Variants in GUCD1 observed in about 807,000 individuals in gnomAD.
The protein encoded by GUCD1 is guanylyl cyclase domain containing 1, also known as protein GUCD1.
A neutral mutation model predicts 28.3 loss-of-function variants in GUCD1; 17 were observed. The observed-to-expected ratio is 0.60, with a 90% confidence interval of 0.41 to 0.90. GUCD1 has a LOEUF of 0.90. GUCD1 is among the 40% of genes least tolerant of loss of function. GUCD1 has a pLI of 0.00. For missense variants in GUCD1, 279 were observed against 305.5 expected, an observed-to-expected ratio of 0.91 and a Z score of 0.65; for synonymous variants, 129 against 123.3, an observed-to-expected ratio of 1.05 and a Z score of -0.30.
intron 1 of GUCD1, among the ~76,000 whole-genome samples, chr22:24,553,860 G>C (rs1436196259): frequency 6.6e-6 from 1 of 152,240 alleles, no homozygotes; most frequent in Non-Finnish European, 1.5e-5. Context: ...GCTCATGTTG[G>C]GGGTGATAAG....
At chr22:24,550,195 C>T (rs2044835714) in intron 1 of GUCD1, among the ~76,000 whole-genome samples, 1 of 152,198 alleles carries the variant, frequency 6.6e-6, no homozygotes, top group Admixed American at 6.5e-5. Context: ...AACAGGGGGA[C>T]TTTGGTCTGA....
At position 24,542,936 on chromosome 22, in the gene GUCD1, G is replaced by C; in HGVS notation, c.*70C>G. The C allele has an allele frequency of 9.0e-7, 1 of 1,107,420 alleles. No individual in the cohort carries two copies. The highest frequency in any genetic ancestry group is 1.2e-5 in the South Asian group (1 of 80,548). The allele number at this position is 1,107,420 out of a possible 1,614,324, so 68.6% of individuals were successfully genotyped here. A position where few individuals can be genotyped will look rare whatever the true frequency, so the allele number is the denominator to read the frequency against. On this transcript the variant is annotated 3_prime_UTR_variant, in exon 6 of 6. Transcript: ENST00000435822. ...CCCCAGCAGCCCCAAGCCTGGGCCAGGGCATCCTGAGCGGGCCCGGCTGGG... is the reference window on the plus strand; with the variant it reads ...CCCCAGCAGCCCCAAGCCTGGGCCACGGCATCCTGAGCGGGCCCGGCTGGG...
At chr22:24,555,456 G>A, upstream of GUCD1, 1 of 1,146,886 alleles carries the variant, frequency 8.7e-7, no homozygotes, top group Non-Finnish European at 1.2e-6. Context: ...TCTTTTGCCA[G>A]TCCTAGGTGT....
rs972915405 is a variant in GUCD1, at chr22:24,542,667, G to C, written c.*339C>G. Reference sequence around the variant, plus strand: ...CTTCTCTCTCCAGGCTCAGTCCTGCGGTCTGTGGGGAGACCATTGCCATGG... The same window carrying C: ...CTTCTCTCTCCAGGCTCAGTCCTGCCGTCTGTGGGGAGACCATTGCCATGG... On this transcript the variant is annotated 3_prime_UTR_variant, in exon 6 of 6. Coordinates refer to ENST00000435822, the MANE Select transcript of GUCD1 (RefSeq NM_001284254.2). 1 of 312,066 alleles carries C rather than the reference G, an allele frequency of 3.2e-6. No homozygotes were observed. 19.3% of individuals were successfully genotyped at this position (312,066 alleles called of 1,614,324 possible). A position where few individuals can be genotyped will look rare whatever the true frequency, so the allele number is the denominator to read the frequency against.
At chr22:24,555,678 C>T (rs898942610), upstream of GUCD1, 52 of 1,550,554 alleles carry the variant, frequency 3.4e-5, no homozygotes, top group Non-Finnish European at 4.3e-5. Flanking sequence ...GCCCAACCTC[C>T]TGCTGTCCCC....
chr22:24,555,108 G>A lies in GUCD1; in HGVS notation c.-117C>T, dbSNP rs2045009981. 2.3e-6 allele frequency: 3 copies of A among 1,312,138 alleles called. No homozygotes were observed. Among genetic ancestry groups the A allele is most frequent in the South Asian group, 2.2e-5 (1 of 45,638 alleles). The allele number at this position is 1,312,138 out of a possible 1,614,324, so 81.3% of individuals were successfully genotyped here. Reference sequence around the variant, plus strand: ...GAGTTCCTTCTCCGCCACCGCCGCCGCTGCGGAGGAGAGAACGGGAGGCGG... The same window carrying A: ...GAGTTCCTTCTCCGCCACCGCCGCCACTGCGGAGGAGAGAACGGGAGGCGG... On this transcript the variant is annotated 5_prime_UTR_variant, in exon 1 of 6. Transcript: ENST00000435822.
intron 5 of GUCD1, among the ~76,000 whole-genome samples, chr22:24,543,516 G>A (rs555490938): frequency 1.1e-4 from 16 of 152,278 alleles, no homozygotes; most frequent in East Asian, 7.7e-4. Flanking sequence ...GGAATGTGCC[G>A]GCCATCCTGG....
At chr22:24,547,330 T>TA (rs1464233348) in intron 3 of GUCD1, 1 of 306,122 alleles carries the variant, frequency 3.3e-6, no homozygotes, top group African/African-American at 2.1e-5. Context: ...CCGTAGCGAA[T>TA]AAGCAAGGGG....
intron 1 of GUCD1, among the ~76,000 whole-genome samples, chr22:24,551,848 A>T (rs2044883999): frequency 6.6e-6 from 1 of 152,236 alleles, no homozygotes; most frequent in Non-Finnish European, 1.5e-5. Context: ...CTTAATCTCC[A>T]TTGTGGTGGT....
intron 3 of GUCD1, chr22:24,547,238 T>G (rs1222205202): frequency 2.0e-6 from 1 of 496,538 alleles, no homozygotes; most frequent in African/African-American, 2.0e-5. Context: ...GAGAGAGGGG[T>G]GGGCAGCTGG....
At chr22:24,545,612 T>C (rs995222925) in intron 4 of GUCD1, among the ~76,000 whole-genome samples, 1 of 150,198 alleles carries the variant, frequency 6.7e-6, no homozygotes, top group African/African-American at 2.4e-5. Context: ...ACTATATTCT[T>C]TTTTTTTTTG....
intron 1 of GUCD1, among the ~76,000 whole-genome samples, chr22:24,549,771 C>T (rs9612654): frequency 6.6e-6 from 1 of 152,190 alleles, no homozygotes; most frequent in Non-Finnish European, 1.5e-5. Context: ...TGATCCACCT[C>T]AGCCTCCCAA....
upstream of GUCD1, chr22:24,555,516 C>G (rs2045035997): frequency 1.4e-6 from 2 of 1,385,308 alleles, no homozygotes; most frequent in Admixed American, 2.0e-5. Flanking sequence ...CAACTCTCCT[C>G]CAACTGTCTT....
chr22:24,543,828 C>G lies in GUCD1; in HGVS notation c.628+14G>C, dbSNP rs768692517. ...GTGGACCACTCTGCCTCACCCACCC[C>G]ACCCAGCACTCACGGTCGGCATAGG... On this transcript the variant is annotated intron_variant, in intron 5 of 5. Transcript: ENST00000435822. 7 of 1,612,258 alleles carry G rather than the reference C, an allele frequency of 4.3e-6. No homozygotes were observed. Among genetic ancestry groups the G allele is most frequent in the Non-Finnish European group, 5.1e-6 (6 of 1,178,856 alleles).
At chr22:24,551,306 C>T (rs1209881834) in intron 1 of GUCD1, among the ~76,000 whole-genome samples, 1 of 152,196 alleles carries the variant, frequency 6.6e-6, no homozygotes, top group Non-Finnish European at 1.5e-5. Flanking sequence ...CTCACATGTT[C>T]CCCTGCTATC....
intron 5 of GUCD1, 153 bp from the exon 6 acceptor site, chr22:24,543,250 C>T: frequency 1.6e-6 from 1 of 633,528 alleles, no homozygotes; most frequent in Non-Finnish European, 2.9e-6. Flanking sequence ...GGAAGCCCTC[C>T]TTGCCCATCC....
chr22:24,554,339 G>A (rs897909339), intron 1 of GUCD1, among the ~76,000 whole-genome samples: 2 of 152,208 alleles, frequency 1.3e-5, no homozygotes, highest in Non-Finnish European at 2.9e-5. Flanking sequence ...GACACCTGAA[G>A]GTCAGGGTCC....
chr22:24,547,968 A>C lies in GUCD1; in HGVS notation c.234T>G (p.Phe78Leu), dbSNP rs2044773144. ...TIDLAYLMHH[F>L]GVRHRFCTQT... ...GGGTACAGAAGCGGTGCCTCACGCC[A>C]AAGTGGTGCATCAGGTAGGCCAGGT... The change falls in exon 3 of 6, where the codon TTT becomes TTG. Residue 78 changes from phenylalanine (F) to leucine (L), a missense_variant. Physicochemically the swap from Phe to Leu is conservative, Grantham distance 22. Coordinates refer to ENST00000435822, the MANE Select transcript of GUCD1 (RefSeq NM_001284254.2). 1.2e-6 allele frequency: 2 copies of C among 1,614,070 alleles called. No homozygotes were observed. The highest frequency in any genetic ancestry group is 1.7e-6 in the Non-Finnish European group (2 of 1,180,024).
chr22:24,546,256 C>T (rs938920681), intron 4 of GUCD1, among the ~76,000 whole-genome samples: 6 of 152,256 alleles, frequency 3.9e-5, no homozygotes, highest in Admixed American at 2.0e-4. Flanking sequence ...CCACCGCGCC[C>T]GGCCCCCAAA....
Sources: gnomAD v4.1 joint callset for allele counts (sites outside exome capture counted in the v4.1 genomes callset) on GRCh38, gnomAD v4.1.1 for gene constraint, MANE v1.5 for transcripts, NCBI Gene and HGNC (gene_info 2026-07-23, HGNC 2026-07-21) for gene names.